The following RALY variants were observed in gnomAD, a reference collection of about 807,000 sequenced individuals.
RALY encodes the protein RALY heterogeneous nuclear ribonucleoprotein, also known as RNA-binding protein Raly.
A neutral mutation model predicts 30.7 loss-of-function variants in RALY; 15 were observed. The observed-to-expected ratio is 0.49, with a 90% confidence interval of 0.33 to 0.75. The LOEUF is 0.75. Ranked by LOEUF, RALY falls within the 30% of genes least tolerant of loss-of-function variation. The pLI is 0.02. For synonymous variants in RALY, 177 were observed against 170.8 expected (o/e 1.04, Z -0.28); for missense variants, 339 against 414.3 (o/e 0.82, Z 1.58).
intron 1 of RALY, among the ~76,000 whole-genome samples, chr20:34,024,380 CA>C (rs1221688159): frequency 6.6e-6 from 1 of 152,156 alleles, no homozygotes; most frequent in Non-Finnish European, 1.5e-5. Context: ...ATAATTCCTG[CA>C]GGGTTGGATC....
intron 2 of RALY, among the ~76,000 whole-genome samples, chr20:34,037,825 G>C (rs2032556035): frequency 1.3e-5 from 2 of 152,188 alleles, no homozygotes; most frequent in African/African-American, 4.8e-5. Flanking sequence ...ATGAATGTTT[G>C]ACCAGAGTGG....
intron 1 of RALY, among the ~76,000 whole-genome samples, chr20:33,996,535 C>A (rs1168401114): frequency 6.6e-6 from 1 of 152,092 alleles, no homozygotes; most frequent in Admixed American, 6.5e-5. Context: ...GGTTACATTA[C>A]CTGCCTCAGG....
At position 34,078,534 on chromosome 20, in the gene RALY, TG is replaced by T; in HGVS notation, c.910del (p.Ala304ProfsTer104). 1 of 1,589,514 alleles carries T rather than the reference TG, an allele frequency of 6.3e-7. No individual in the cohort carries two copies. The highest frequency in any genetic ancestry group is 8.6e-7 in the Non-Finnish European group (1 of 1,167,952). On this transcript the variant is annotated frameshift_variant, in exon 9 of 10. Coordinates refer to ENST00000246194, the MANE Select transcript of RALY (RefSeq NM_016732.3). LOFTEE classifies it high-confidence loss of function. ...ACAGCCAGGACACAGACGCGGATGA[TG>T]GGGCCTTGCAGTAAGCAGGTACAGG... ...EHSQDTDADDGALQ is the reference protein window; with the variant it reads ...EHSQDTDADDXALQ
intron 2 of RALY, among the ~76,000 whole-genome samples, chr20:34,071,426 C>T (rs1022600059): frequency 2.6e-5 from 4 of 151,932 alleles, no homozygotes; most frequent in Admixed American, 1.3e-4. Flanking sequence ...TACAGGTACC[C>T]GCCACCACGC....
At chr20:34,028,032 C>G (rs1225530924) in intron 1 of RALY, among the ~76,000 whole-genome samples, 1 of 152,154 alleles carries the variant, frequency 6.6e-6, no homozygotes, top group African/African-American at 2.4e-5. Context: ...TGGCTCACAC[C>G]TGTGATCCCA....
At position 34,073,817 on chromosome 20, in the gene RALY, A is replaced by G; in HGVS notation, c.330-2A>G. The G allele has an allele frequency of 6.2e-7, 1 of 1,614,076 alleles. No homozygotes were observed. The highest frequency in any genetic ancestry group is 2.2e-5 in the East Asian group (1 of 44,872). On this transcript the variant is annotated splice_acceptor_variant, in intron 4 of 9. Coordinates refer to ENST00000246194, the MANE Select transcript of RALY (RefSeq NM_016732.3). LOFTEE classifies it high-confidence loss of function. Reference sequence around the variant, plus strand: ...CCAGCCCTCTCCCCTTTGTTTCCCCAGTGGCTACATCTTTGACTATGATTA... The same window carrying G: ...CCAGCCCTCTCCCCTTTGTTTCCCCGGTGGCTACATCTTTGACTATGATTA...
chr20:33,994,576 A>G (rs535968998), intron 1 of RALY, among the ~76,000 whole-genome samples: 2 of 152,298 alleles, frequency 1.3e-5, no homozygotes, highest in East Asian at 3.9e-4. Context: ...GACTGGGTCT[A>G]CGGGCTCCCG....
At chr20:34,056,798 A>G (rs1036463069) in intron 2 of RALY, among the ~76,000 whole-genome samples, 3 of 152,234 alleles carry the variant, frequency 2.0e-5, no homozygotes, top group Non-Finnish European at 4.4e-5. Context: ...CGAGGTTGCC[A>G]TGAAAGTGGC....
chr20:34,003,996 T>C (rs1487930509), intron 1 of RALY, among the ~76,000 whole-genome samples: 1 of 152,188 alleles, frequency 6.6e-6, no homozygotes, highest in Admixed American at 6.5e-5. Context: ...AAAATTGCTG[T>C]TGTTCTGTGT....
At chr20:34,007,512 C>T (rs2031210900) in intron 1 of RALY, among the ~76,000 whole-genome samples, 1 of 148,770 alleles carries the variant, frequency 6.7e-6, no homozygotes, top group South Asian at 2.1e-4. Context: ...CGGAGCGAGA[C>T]TCCATCTCAA....
intron 6 of RALY, 52 bp from the exon 7 acceptor site, chr20:34,076,650 T>G: frequency 6.8e-7 from 1 of 1,468,432 alleles, no homozygotes; most frequent in South Asian, 1.2e-5. Flanking sequence ...TTTGTGCTAG[T>G]GTCAAGCCTC....
rs60912814 is a variant in RALY, at chr20:34,053,383, ATTTTTTTTTTTT to A, written c.-9-18662_-9-18651del. 6.4e-3 allele frequency among the ~76,000 whole-genome samples: 345 copies of A among 54,172 alleles called. 3 individuals carry two copies. The highest frequency in any genetic ancestry group is 0.024 in the African/African-American group (310 of 12,770). The allele number at this position is 54,172 out of a possible 152,430, so 35.5% of individuals were successfully genotyped here. On this transcript the variant is annotated intron_variant, in intron 2 of 9. Coordinates refer to ENST00000246194, the MANE Select transcript of RALY (RefSeq NM_016732.3). ...GCCAACATTTAGTAGATGTTCAATA[ATTTTTTTTTTTT>A]TTTTTTTTTTTTTTTTTTTTGAGAC...
At chr20:34,038,960 TACTG>T (rs1052886602) in intron 2 of RALY, among the ~76,000 whole-genome samples, 10 of 152,226 alleles carry the variant, frequency 6.6e-5, no homozygotes, top group Non-Finnish European at 1.2e-4. Flanking sequence ...AACCTTGTTC[TACTG>T]ACTCAAACCT....
chr20:34,002,612 G>C (rs2030969504), intron 1 of RALY, among the ~76,000 whole-genome samples: 1 of 152,188 alleles, frequency 6.6e-6, no homozygotes, highest in South Asian at 2.1e-4. Flanking sequence ...CCAGTGTGTA[G>C]ACTTTATTTT....
intron 9 of RALY, among the ~76,000 whole-genome samples, chr20:34,079,217 C>T (rs1363096880): frequency 6.6e-6 from 1 of 152,168 alleles, no homozygotes; most frequent in African/African-American, 2.4e-5. Flanking sequence ...ATCTTCAATC[C>T]CACAAGCTGA....
intron 4 of RALY, 24 bp downstream of exon 4, chr20:34,073,659 T>C (rs1397607993): frequency 6.4e-7 from 1 of 1,562,632 alleles, no homozygotes; most frequent in South Asian, 1.1e-5. Context: ...ACTGTCTGTC[T>C]GTCTGGTGGG....
intron 2 of RALY, among the ~76,000 whole-genome samples, chr20:34,058,785 T>C (rs533518453): frequency 6.6e-6 from 1 of 152,362 alleles, no homozygotes; most frequent in South Asian, 2.1e-4. Flanking sequence ...GAATGACATA[T>C]AACCACTCAG....
intron 1 of RALY, among the ~76,000 whole-genome samples, chr20:34,012,539 G>T (rs989622543): frequency 3.3e-5 from 5 of 151,880 alleles, no homozygotes; most frequent in African/African-American, 1.2e-4. Flanking sequence ...GCCATCCTTT[G>T]TTTTTTTCCT....
chr20:34,030,067 T>C (rs78534624), intron 1 of RALY: 1 of 152,258 alleles, frequency 6.6e-6, no homozygotes, highest in Admixed American at 6.5e-5. Context: ...GGACTGCAAG[T>C]ATATGGAGAG....
Sources: allele counts gnomAD v4.1 joint callset (sites outside exome capture counted in the v4.1 genomes callset), GRCh38; gene constraint gnomAD v4.1.1; transcripts MANE v1.5; gene names NCBI Gene and HGNC (gene_info 2026-07-23, HGNC 2026-07-21).